Variants in GALNTL6 observed in about 807,000 individuals in gnomAD.
The protein encoded by GALNTL6 is polypeptide N-acetylgalactosaminyltransferase-like 6.
A neutral mutation model predicts 73.7 loss-of-function variants in GALNTL6; 46 were observed. The ratio of observed to expected loss-of-function variants is 0.62; its 90% CI spans 0.49 to 0.80. The LOEUF (loss-of-function observed/expected upper bound fraction) is 0.80. Among genes scored for constraint, GALNTL6 ranks in the 30% least tolerant of loss-of-function variants. The pLI, the probability that GALNTL6 is intolerant of heterozygous loss-of-function variation, is 0.00. For synonymous variants in GALNTL6, 259 were observed against 263.7 expected, an observed-to-expected ratio of 0.98 and a Z score of 0.17; for missense variants, 604 against 755.0, an observed-to-expected ratio of 0.80 and a Z score of 2.34.
At chr4:172,052,306 G>A in intron 2 of GALNTL6, 1 of 600,066 alleles carries the variant, frequency 1.7e-6, no homozygotes, top group Non-Finnish European at 2.9e-6. Context: ...ACACTTCCCA[G>A]GGAAGAGCTC....
intron 7 of GALNTL6, among the ~76,000 whole-genome samples, chr4:172,846,348 T>A (rs985110691): frequency 4.6e-5 from 7 of 152,290 alleles, no homozygotes; most frequent in Non-Finnish European, 7.4e-5. Flanking sequence ...AATTATTACT[T>A]GAAAAAATAC....
intron 5 of GALNTL6, among the ~76,000 whole-genome samples, chr4:172,356,048 G>C (rs1742143743): frequency 6.6e-6 from 1 of 152,136 alleles, no homozygotes; most frequent in South Asian, 2.1e-4. Flanking sequence ...TTTTGTGTAG[G>C]AAAATTCCAC....
chr4:172,328,820 A>G (rs764945918), intron 4 of GALNTL6, among the ~76,000 whole-genome samples: 1 of 152,158 alleles, frequency 6.6e-6, no homozygotes, highest in Non-Finnish European at 1.5e-5. Flanking sequence ...CAGAATCTTG[A>G]TGATCTTTGT....
At chr4:172,368,628 G>A (rs937316294) in intron 5 of GALNTL6, among the ~76,000 whole-genome samples, 5 of 151,932 alleles carry the variant, frequency 3.3e-5, no homozygotes, top group African/African-American at 7.3e-5. Context: ...TCTTGGTCTC[G>A]CTGACTTCAA....
intron 2 of GALNTL6, among the ~76,000 whole-genome samples, chr4:172,151,609 A>T (rs183969901): frequency 6.6e-6 from 1 of 152,320 alleles, no homozygotes; most frequent in Admixed American, 6.5e-5. Context: ...AGTGGAGCAG[A>T]TAGGGACTTG....
At chr4:172,159,612 G>A (rs988090173) in intron 2 of GALNTL6, among the ~76,000 whole-genome samples, 3 of 152,100 alleles carry the variant, frequency 2.0e-5, no homozygotes, top group East Asian at 3.9e-4. Flanking sequence ...TTCCCATATT[G>A]AAGGAACTTA....
rs1345887210 is a variant in GALNTL6 at position 172,936,834 on chromosome 4, T to C, written c.1149+5566T>C. 2.6e-5 allele frequency among the ~76,000 whole-genome samples: 4 copies of C among 152,034 alleles called. No homozygotes were observed. In the South Asian group the frequency reaches 8.3e-4, roughly 32 times the overall value. On this transcript the variant is annotated intron_variant, in intron 9 of 12. Transcript: ENST00000506823. ...AAGTCAAATCTCATAAAAGCCAAATTGTACAGGCTGCTTCCCAGGTCCTGA... is the reference window on the plus strand; with the variant it reads ...AAGTCAAATCTCATAAAAGCCAAATCGTACAGGCTGCTTCCCAGGTCCTGA...
intron 5 of GALNTL6, among the ~76,000 whole-genome samples, chr4:172,448,789 G>T (rs1310160319): frequency 6.6e-6 from 1 of 152,138 alleles, no homozygotes; most frequent in African/African-American, 2.4e-5. Flanking sequence ...GGCCCTTCTG[G>T]AACCTGCTTA....
intron 5 of GALNTL6, among the ~76,000 whole-genome samples, chr4:172,547,655 A>T (rs1016939804): frequency 3.9e-5 from 6 of 152,126 alleles, no homozygotes; most frequent in Admixed American, 1.3e-4. Flanking sequence ...ATTCTCTAGA[A>T]CTAATGATGT....
At chr4:172,882,662 A>G (rs1308068661) in intron 7 of GALNTL6, 128 bp from the exon 8 acceptor site, 1 of 682,870 alleles carries the variant, frequency 1.5e-6, no homozygotes, top group Non-Finnish European at 2.7e-6. Context: ...ACTTACAGAA[A>G]ACCAGTGCTG....
chr4:172,113,801 C>A lies in GALNTL6; in HGVS notation c.139-115855C>A, dbSNP rs1017166687. Among the ~76,000 whole-genome samples, 3 of 152,104 alleles carry A rather than the reference C, an allele frequency of 2.0e-5. No homozygotes were observed. The South Asian group carries it at 6.2e-4, about 31-fold the overall frequency. ...TCCTCTATTTTCTGAAGTGTTCCAG[C>A]ACGATGCTTTTTGATGATCAGCTGT... On this transcript the variant is annotated intron_variant, in intron 2 of 12. Transcript: ENST00000506823.
chr4:172,665,594 T>C (rs893718175), intron 5 of GALNTL6, among the ~76,000 whole-genome samples: 4 of 152,236 alleles, frequency 2.6e-5, no homozygotes, highest in Non-Finnish European at 4.4e-5. Context: ...TTTCACTTTG[T>C]TTCATGCATA....
intron 8 of GALNTL6, among the ~76,000 whole-genome samples, chr4:172,925,289 G>A (rs1433606610): frequency 1.3e-5 from 2 of 151,980 alleles, no homozygotes; most frequent in Admixed American, 6.5e-5. Context: ...CTGCCCAGAA[G>A]TTTCTTGAAT....
chr4:171,908,282 C>A (rs566028140), intron 2 of GALNTL6, among the ~76,000 whole-genome samples: 1 of 151,712 alleles, frequency 6.6e-6, no homozygotes, highest in South Asian at 2.1e-4. Context: ...CTATAATGAA[C>A]TCAAACAAAT....
intron 8 of GALNTL6, among the ~76,000 whole-genome samples, chr4:172,930,520 C>T (rs758414113): frequency 5.9e-5 from 9 of 151,900 alleles, no homozygotes; most frequent in African/African-American, 9.7e-5. Flanking sequence ...GTTATTTCTT[C>T]AAATGATTTT....
At chr4:172,138,449 T>C (rs1229564931) in intron 2 of GALNTL6, among the ~76,000 whole-genome samples, 2 of 119,798 alleles carry the variant, frequency 1.7e-5, no homozygotes, top group Non-Finnish European at 3.4e-5. Context: ...AAATTTGATG[T>C]CTAATTATAT....
chr4:172,040,114 C>A (rs137891439), intron 2 of GALNTL6, among the ~76,000 whole-genome samples: 2 of 151,714 alleles, frequency 1.3e-5, no homozygotes, highest in African/African-American at 2.4e-5. Flanking sequence ...CCCTGGGATG[C>A]CTGGTTTTCT....
intron 5 of GALNTL6, among the ~76,000 whole-genome samples, chr4:172,649,065 C>T (rs1329939656): frequency 6.6e-6 from 1 of 152,198 alleles, no homozygotes; most frequent in East Asian, 1.9e-4. Flanking sequence ...GGCATCCAAA[C>T]TAAGTTTATT....
At chr4:172,717,558 G>T (rs1001286808) in intron 5 of GALNTL6, among the ~76,000 whole-genome samples, 1 of 152,140 alleles carries the variant, frequency 6.6e-6, no homozygotes, top group South Asian at 2.1e-4. Context: ...CTATTTTAGG[G>T]TTGATATACA....
Sources: allele counts gnomAD v4.1 joint callset (sites outside exome capture counted in the v4.1 genomes callset), GRCh38; gene constraint gnomAD v4.1.1; transcripts MANE v1.5; gene names NCBI Gene and HGNC (gene_info 2026-07-23, HGNC 2026-07-21).